INPP5A: variants seen among roughly 807,000 people sequenced by gnomAD.
INPP5A encodes the protein 43 kDa inositol polyphosphate 5-phophatase.
Under a neutral mutation model 65.2 loss-of-function variants are expected in INPP5A, and 14 were observed. That is an observed-to-expected ratio of 0.21 (90% CI 0.14 to 0.34). INPP5A has a LOEUF of 0.34. INPP5A is among the 10% of genes least tolerant of loss of function. The pLI, the probability that INPP5A is intolerant of heterozygous loss-of-function variation, is 1.00. For missense variants in INPP5A, 431 were observed against 545.6 expected (o/e 0.79, Z 2.09); for synonymous variants, 207 against 208.3 (o/e 0.99, Z 0.05).
intron 1 of INPP5A, among the ~76,000 whole-genome samples, chr10:132,561,056 T>C (rs1160443519): frequency 6.7e-6 from 1 of 148,498 alleles, no homozygotes; most frequent in Non-Finnish European, 1.5e-5. Context: ...GAAGCACTTT[T>C]TTTTTTTTTT....
intron 8 of INPP5A, among the ~76,000 whole-genome samples, chr10:132,721,934 G>GAA (rs1207594238): frequency 1.3e-5 from 2 of 152,198 alleles, no homozygotes; most frequent in African/African-American, 4.8e-5. Flanking sequence ...GTGAAGTCAT[G>GAA]AAAAATAGTC....
chr10:132,655,153 G>A (rs992039451), intron 4 of INPP5A, among the ~76,000 whole-genome samples: 5 of 152,214 alleles, frequency 3.3e-5, no homozygotes, highest in African/African-American at 7.2e-5. Context: ...GAAAAGTGGC[G>A]AGAGCCAGGC....
At position 132,719,522 on chromosome 10, in the gene INPP5A, G is replaced by A. The variant is rs527637606; in HGVS notation, c.648-7299G>A. Among the ~76,000 whole-genome samples the A allele has an allele frequency of 5.3e-5, 8 of 150,022 alleles. No homozygotes were observed. In the East Asian group the frequency reaches 9.9e-4, roughly 19 times the overall value. ...TGGGTTCTGTCTGGGCGCCTTAGAC[G>A]GCTGTCTTGCGGGTTCTGTGGTGCC... On this transcript the variant is annotated intron_variant, in intron 8 of 15. Transcript: ENST00000368594.
rs928898555 is a variant in INPP5A, at chr10:132,547,705, G to A, written c.75+9534G>A. 2.3e-4 allele frequency among the ~76,000 whole-genome samples: 35 copies of A among 152,004 alleles called. No homozygotes were observed. Among genetic ancestry groups the A allele is most frequent in the Admixed American group, 2.0e-3 (30 of 15,272 alleles). Reference sequence around the variant, plus strand: ...TTTTTTCAAAGGGTTCCTCCGGGACGCCTCGCCTAGGCAAGCAGGGTTTTC... The same window carrying A: ...TTTTTTCAAAGGGTTCCTCCGGGACACCTCGCCTAGGCAAGCAGGGTTTTC... On this transcript the variant is annotated intron_variant, in intron 1 of 15. Coordinates refer to ENST00000368594, the MANE Select transcript of INPP5A (RefSeq NM_005539.5). The surrounding 1 kb of genome is among the most constrained non-coding windows in gnomAD (Gnocchi z 5.5).
chr10:132,774,697 G>C (rs1847015148), intron 12 of INPP5A, among the ~76,000 whole-genome samples: 1 of 151,984 alleles, frequency 6.6e-6, no homozygotes. Context: ...AGCCTGCTCA[G>C]GTTCTAAAGC....
chr10:132,604,989 TC>T (rs1008123133), intron 1 of INPP5A, among the ~76,000 whole-genome samples: 12 of 152,156 alleles, frequency 7.9e-5, no homozygotes, highest in African/African-American at 2.6e-4. Flanking sequence ...TTGCTGTTTA[TC>T]CTGAGAGAGC....
intron 1 of INPP5A, among the ~76,000 whole-genome samples, chr10:132,578,192 A>G (rs1257834794): frequency 2.0e-5 from 3 of 152,210 alleles, no homozygotes; most frequent in Non-Finnish European, 4.4e-5. Flanking sequence ...CAGCAATAAA[A>G]ATGAACCCTC....
At position 132,650,430 on chromosome 10, in the gene INPP5A, G is replaced by A. The variant is rs140844432; in HGVS notation, c.231G>A (p.Ser77=). 411 of 1,613,224 alleles carry A rather than the reference G, an allele frequency of 2.5e-4. 1 individual carries two copies. The African/African-American group carries it at 4.6e-3, about 18-fold the overall frequency. ...TTCTTCCTTCCAGAGAACTATTGTC[G>A]AGTGATGCGATGAAAGAATATAACA... ...HVDKFVKELL[S]SDAMKEYNRA... Residue 77 remains serine (S), a synonymous_variant, in exon 4 of 16, where the codon TCG becomes TCA. Transcript: ENST00000368594. This position sits in a 1 kb window ranked among gnomAD's most constrained non-coding sequence, Gnocchi z 5.5.
At chr10:132,589,961 C>T (rs1327779321) in intron 1 of INPP5A, among the ~76,000 whole-genome samples, 2 of 152,220 alleles carry the variant, frequency 1.3e-5, no homozygotes, top group Non-Finnish European at 2.9e-5. Context: ...TGGGAGGGCA[C>T]CGATGTGCAA....
intron 1 of INPP5A, among the ~76,000 whole-genome samples, chr10:132,604,073 G>A (rs2071809816): frequency 7.0e-6 from 1 of 143,196 alleles, no homozygotes; most frequent in Admixed American, 6.9e-5. Flanking sequence ...TGTGCCGTCA[G>A]GGTCCCCTCT....
At chr10:132,760,913 C>T (rs964458655) in intron 11 of INPP5A, among the ~76,000 whole-genome samples, 3 of 152,200 alleles carry the variant, frequency 2.0e-5, no homozygotes, top group Admixed American at 6.5e-5. Context: ...CCACTGTAAA[C>T]GCGGGGAGAG....
intron 2 of INPP5A, among the ~76,000 whole-genome samples, chr10:132,626,964 A>G (rs1590877288): frequency 2.0e-5 from 3 of 152,254 alleles, no homozygotes; most frequent in South Asian, 4.1e-4. Context: ...CCCCAAGTTC[A>G]TAGGTTGTGC....
chr10:132,577,584 G>T (rs1179346692), intron 1 of INPP5A, among the ~76,000 whole-genome samples: 1 of 152,246 alleles, frequency 6.6e-6, no homozygotes, highest in African/African-American at 2.4e-5. Flanking sequence ...CATGGGGTCA[G>T]GTGGAAAGTG....
chr10:132,576,216 C>T (rs1012498417), intron 1 of INPP5A, among the ~76,000 whole-genome samples: 1 of 152,232 alleles, frequency 6.6e-6, no homozygotes, highest in African/African-American at 2.4e-5. Flanking sequence ...CTCTCCAGCC[C>T]TCTTGCCAGA....
intron 11 of INPP5A, among the ~76,000 whole-genome samples, chr10:132,758,345 G>C: frequency 7.3e-6 from 1 of 136,326 alleles, no homozygotes; most frequent in Non-Finnish European, 1.6e-5. Flanking sequence ...CGGCACCATG[G>C]CGTGGGTCCC....
chr10:132,618,274 G>A (rs1400964565), intron 2 of INPP5A, among the ~76,000 whole-genome samples: 3 of 152,248 alleles, frequency 2.0e-5, no homozygotes, highest in Non-Finnish European at 4.4e-5. Flanking sequence ...TCTCCCATCA[G>A]CAGTACTGAC....
intron 1 of INPP5A, among the ~76,000 whole-genome samples, chr10:132,585,006 A>G (rs1201708722): frequency 2.0e-5 from 3 of 152,322 alleles, no homozygotes; most frequent in Admixed American, 2.0e-4. Context: ...TCTTGGTGAC[A>G]TGGAACAGTT....
At chr10:132,611,484 G>A (rs1274678996) in intron 2 of INPP5A, among the ~76,000 whole-genome samples, 1 of 144,700 alleles carries the variant, frequency 6.9e-6, no homozygotes, top group Non-Finnish European at 1.5e-5. Context: ...GCATGGGAGA[G>A]GCCCTGTCCG....
intron 1 of INPP5A, among the ~76,000 whole-genome samples, chr10:132,580,733 A>G (rs890866641): frequency 4.6e-5 from 7 of 152,382 alleles, no homozygotes; most frequent in East Asian, 1.9e-4. Context: ...CTTAGATTCT[A>G]TCATTAATGT....
Sources: allele counts gnomAD v4.1 joint callset (sites outside exome capture counted in the v4.1 genomes callset), GRCh38; gene constraint gnomAD v4.1.1; non-coding constraint Gnocchi (gnomAD v3.1); transcripts MANE v1.5; gene names NCBI Gene and HGNC (gene_info 2026-07-23, HGNC 2026-07-21).